FOXN4: variants seen among roughly 807,000 people sequenced by gnomAD.
FOXN4 encodes the protein forkhead box N4.
FOXN4 carries 12 observed loss-of-function variants against 45.0 expected under a neutral mutation model. That is an observed-to-expected ratio of 0.27 (90% CI 0.17 to 0.43). The LOEUF (loss-of-function observed/expected upper bound fraction) is 0.43. Ranked by LOEUF, FOXN4 falls within the 20% of genes least tolerant of loss-of-function variation. The probability of loss-of-function intolerance (pLI) is 1.00; values close to 1 mark genes in which losing one functional copy is unlikely to be tolerated. For missense variants in FOXN4, 560 were observed against 694.9 expected (o/e 0.81, Z 2.18); for synonymous variants, 297 against 295.0 (o/e 1.01, Z -0.07).
intron 3 of FOXN4, among the ~76,000 whole-genome samples, 164 bp downstream of exon 3, chr12:109,289,977 C>A (rs1254345347): frequency 3.3e-5 from 5 of 152,184 alleles, no homozygotes; most frequent in Admixed American, 2.0e-4. Flanking sequence ...TAAACCACAT[C>A]TCTCTAAGGA....
Position 109,308,389 on chromosome 12 carries a change from A to C in FOXN4, c.-3-65T>G, listed in dbSNP as rs1000563433. ...GACGATATGGACAGGGCAGAAACCC[A>C]CAGTTTTCCCGCAATTCAGAAAGAT... On this transcript the variant is annotated intron_variant, in intron 1 of 9. Transcript: ENST00000299162. The C allele has an allele frequency of 3.6e-6, 4 of 1,116,132 alleles. No homozygotes were observed. The South Asian group carries it at 6.3e-5, about 18-fold the overall frequency. 69.1% of individuals were successfully genotyped at this position (1,116,132 alleles called of 1,614,324 possible).
chr12:109,287,695 G>C lies in FOXN4; in HGVS notation c.468+149C>G. On this transcript the variant is annotated intron_variant, in intron 5 of 9. Transcript: ENST00000299162. The surrounding 1 kb of genome is among the most constrained non-coding windows in gnomAD (Gnocchi z 4.1). ...CTCCACTCAGGGCAGGAGTTTTGGGGGAACGGAATGAATGACCCCATGACA... is the reference window on the plus strand; with the variant it reads ...CTCCACTCAGGGCAGGAGTTTTGGGCGAACGGAATGAATGACCCCATGACA... The C allele has an allele frequency of 1.8e-6, 2 of 1,123,328 alleles. No homozygotes were observed. Among genetic ancestry groups the C allele is most frequent in the Admixed American group, 5.8e-5 (2 of 34,424 alleles). 69.6% of individuals were successfully genotyped at this position (1,123,328 alleles called of 1,614,324 possible). A position where few individuals can be genotyped will look rare whatever the true frequency, so the allele number is the denominator to read the frequency against.
rs760454405 is a variant in FOXN4 at position 109,285,380 on chromosome 12, G to C, written c.825C>G (p.Ile275Met). The part of the protein sequence containing the change: ...GCLWALNLAR[I>M]DKMEEEMHKW... ...TGTGCATCTCCTCCTCCATCTTGTC[G>C]ATGCGGGCCAGGTTCAGAGCCCACA... The change falls in exon 8 of 10, where the codon ATC becomes ATG. Residue 275 changes from isoleucine to methionine, a missense_variant. Ile to Met is a conservative substitution (Grantham distance 10). Coordinates refer to ENST00000299162, the MANE Select transcript of FOXN4 (RefSeq NM_213596.3). The C allele has an allele frequency of 1.9e-6, 3 of 1,613,886 alleles. No individual in the cohort carries two copies. Among genetic ancestry groups the C allele is most frequent in the Non-Finnish European group, 2.5e-6 (3 of 1,179,872 alleles).
At chr12:109,297,832 C>A (rs2047831773) in intron 2 of FOXN4, among the ~76,000 whole-genome samples, 1 of 152,168 alleles carries the variant, frequency 6.6e-6, no homozygotes. Context: ...GCACAAGCAG[C>A]TATTTACATT....
rs149105995 is a variant in FOXN4, at chr12:109,290,399, G to A, written c.87-113C>T. ...AATGTGCCTCATCTCCCCAAGCCAC[G>A]CCAGCCCTCCAACCTGCCCGTCCCC... On this transcript the variant is annotated intron_variant, in intron 2 of 9. Transcript: ENST00000299162. This position sits in a 1 kb window ranked among gnomAD's most constrained non-coding sequence, Gnocchi z 5.1. 4.6e-6 allele frequency: 6 copies of A among 1,318,634 alleles called. No individual in the cohort carries two copies. Among genetic ancestry groups the A allele is most frequent in the African/African-American group, 3.0e-5 (2 of 66,898 alleles). The allele number at this position is 1,318,634 out of a possible 1,614,324, so 81.7% of individuals were successfully genotyped here.
At chr12:109,284,589 T>C (rs1486825783) in intron 8 of FOXN4, among the ~76,000 whole-genome samples, 3 of 143,822 alleles carry the variant, frequency 2.1e-5, no homozygotes, top group Non-Finnish European at 4.6e-5. Flanking sequence ...GTGTGCGCGC[T>C]GTGGGCTGTC....
chr12:109,281,803 C>T lies in FOXN4; in HGVS notation c.902-4G>A, dbSNP rs1201219583. ...GAGATCAGCTTGTCCAACTCCTCTG[C>T]AGGCAAGTGGGAGAGGTCACTCAGA... is the stretch of plus-strand genomic sequence containing the variant. On this transcript the variant is annotated splice_polypyrimidine_tract_variant and splice_region_variant and intron_variant, in intron 8 of 9. Transcript: ENST00000299162. 6.4e-7 allele frequency: 1 copy of T among 1,562,168 alleles called. No homozygotes were observed. The highest frequency in any genetic ancestry group is 1.2e-5 in the South Asian group (1 of 84,002).
chr12:109,299,286 C>T (rs569657912), intron 2 of FOXN4, among the ~76,000 whole-genome samples: 2 of 152,282 alleles, frequency 1.3e-5, no homozygotes, highest in African/African-American at 4.8e-5. Context: ...CATATTTTTC[C>T]TTATCAAAAC....
Position 109,301,058 on chromosome 12 carries a change from G to C in FOXN4, c.86+7178C>G, listed in dbSNP as rs146178602. On this transcript the variant is annotated intron_variant, in intron 2 of 9. Coordinates refer to ENST00000299162, the MANE Select transcript of FOXN4 (RefSeq NM_213596.3). ...CATGGCTTCCATCCTACGCTGACTG[G>C]GAGATCAACCCAACCCACTTTAATG... Among the ~76,000 whole-genome samples, 342 of 152,264 alleles carry C rather than the reference G, an allele frequency of 2.2e-3. 1 individual carries two copies. Among genetic ancestry groups the C allele is most frequent in the African/African-American group, 7.8e-3 (324 of 41,534 alleles).
intron 2 of FOXN4, among the ~76,000 whole-genome samples, chr12:109,299,932 G>C (rs2047854568): frequency 6.6e-6 from 1 of 152,200 alleles, no homozygotes; most frequent in African/African-American, 2.4e-5. Context: ...TGGTCACCCA[G>C]GTAGGCTTTG....
At chr12:109,292,706 G>T (rs539762402) in intron 2 of FOXN4, among the ~76,000 whole-genome samples, 1 of 152,102 alleles carries the variant, frequency 6.6e-6, no homozygotes, top group Non-Finnish European at 1.5e-5. Context: ...AAGCTTTGGG[G>T]TCTGGGGGTC....
chr12:109,295,210 T>A (rs1165775638), intron 2 of FOXN4, among the ~76,000 whole-genome samples: 1 of 152,204 alleles, frequency 6.6e-6, no homozygotes, highest in Non-Finnish European at 1.5e-5. Context: ...GGTGTGTGTG[T>A]AACAGAGAGA....
At chr12:109,283,144 TC>T (rs2047668785) in intron 8 of FOXN4, among the ~76,000 whole-genome samples, 1 of 149,204 alleles carries the variant, frequency 6.7e-6, no homozygotes, top group Non-Finnish European at 1.5e-5. Flanking sequence ...CATGCATATG[TC>T]CCTTGGATGG....
chr12:109,305,030 G>A (rs2047908988), intron 2 of FOXN4, among the ~76,000 whole-genome samples: 1 of 152,192 alleles, frequency 6.6e-6, no homozygotes, highest in Non-Finnish European at 1.5e-5. Context: ...CTACTCCAGG[G>A]TCACACTGAG....
In FOXN4 at chr12:109,308,244, C is replaced by T. The variant is rs2047938546; in HGVS notation, c.78G>A (p.Gln26=). ...NSGQNHHPSP[Q]EYRLLATTSD... is the part of the protein sequence containing the mutation. ...ATTGTTGGAGCCCTCACCTGTATTC[C>T]TGTGGAGAGGGGTGGTGATTTTGCC... Residue 26 remains glutamine, a synonymous_variant, in exon 2 of 10, where the codon CAG becomes CAA. Coordinates refer to ENST00000299162, the MANE Select transcript of FOXN4 (RefSeq NM_213596.3). 1 of 1,550,712 alleles carries T rather than the reference C, an allele frequency of 6.4e-7. No individual in the cohort carries two copies. The highest frequency in any genetic ancestry group is 1.4e-5 in the African/African-American group (1 of 73,092).
Position 109,286,934 on chromosome 12 carries a change from T to G in FOXN4, c.597-190A>C, listed in dbSNP as rs2047718395. 5 of 1,379,996 alleles carry G rather than the reference T, an allele frequency of 3.6e-6. No individual in the cohort carries two copies. In the East Asian group the frequency reaches 1.3e-4, roughly 35 times the overall value. 85.5% of individuals were successfully genotyped at this position (1,379,996 alleles called of 1,614,324 possible). ...TGTCTTTCCCACCCTTTGCCCTTTC[T>G]CCTTGATCTGGGCACAACAATTGGT... On this transcript the variant is annotated intron_variant, in intron 6 of 9. Transcript: ENST00000299162.
intron 9 of FOXN4, 29 bp from the exon 10 acceptor site, chr12:109,279,959 C>T (rs1266334798): frequency 2.5e-6 from 4 of 1,610,818 alleles, no homozygotes; most frequent in Admixed American, 1.7e-5. Flanking sequence ...TTAGGGTGAG[C>T]TGGCTTCCCA....
Position 109,285,294 on chromosome 12 carries a change from C to G in FOXN4, c.901+10G>C, listed in dbSNP as rs375637878. 163 of 1,553,396 alleles carry G rather than the reference C, an allele frequency of 1.0e-4. No homozygotes were observed. Among genetic ancestry groups the G allele is most frequent in the Non-Finnish European group, 1.4e-4 (157 of 1,152,338 alleles). ...GTGTGTGCGCGCACTGCGGGCTGTCCGGCCCTCACCAGGGTTGGCCATACT... is the reference window on the plus strand; with the variant it reads ...GTGTGTGCGCGCACTGCGGGCTGTCGGGCCCTCACCAGGGTTGGCCATACT... On this transcript the variant is annotated intron_variant, in intron 8 of 9. Transcript: ENST00000299162.
At chr12:109,295,897 G>A (rs1343247713) in intron 2 of FOXN4, among the ~76,000 whole-genome samples, 1 of 152,156 alleles carries the variant, frequency 6.6e-6, no homozygotes, top group Admixed American at 6.5e-5. Context: ...GGGGCCCTGG[G>A]AGGAAGTCCC....
Sources: allele counts gnomAD v4.1 joint callset (sites outside exome capture counted in the v4.1 genomes callset), GRCh38; gene constraint gnomAD v4.1.1; non-coding constraint Gnocchi (gnomAD v3.1); transcripts MANE v1.5; gene names NCBI Gene and HGNC (gene_info 2026-07-23, HGNC 2026-07-21).